AGBL4: variants seen among roughly 807,000 people sequenced by gnomAD.
The protein encoded by AGBL4 is cytosolic carboxypeptidase 6.
AGBL4 carries 58 observed loss-of-function variants against 66.4 expected under a neutral mutation model. That is an observed-to-expected ratio of 0.87 (90% CI 0.71 to 1.09). The LOEUF is 1.09. AGBL4 is among the 50% of genes least tolerant of loss of function. The pLI is 0.00. For synonymous variants in AGBL4, 234 were observed against 222.9 expected (o/e 1.05, Z -0.44); for missense variants, 579 against 631.0 (o/e 0.92, Z 0.88).
intron 3 of AGBL4, among the ~76,000 whole-genome samples, chr1:49,642,319 A>G (rs188226206): frequency 1.9e-3 from 294 of 152,108 alleles, no homozygotes; most frequent in South Asian, 3.3e-3. Context: ...TAATCCTAAG[A>G]GATTAGAAAC....
intron 2 of AGBL4, among the ~76,000 whole-genome samples, chr1:49,738,734 A>G (rs2124738817): frequency 6.6e-6 from 1 of 152,274 alleles, no homozygotes; most frequent in East Asian, 1.9e-4. Flanking sequence ...AGGCAGCAAC[A>G]TTTGCTGTTC....
intron 4 of AGBL4, among the ~76,000 whole-genome samples, chr1:49,181,663 T>A (rs184396627): frequency 1.8e-4 from 28 of 152,350 alleles, no homozygotes; most frequent in Non-Finnish European, 3.4e-4. Context: ...CAAGTGTGTC[T>A]CATCTCCCTG....
intron 3 of AGBL4, among the ~76,000 whole-genome samples, chr1:49,317,408 T>C (rs1025173626): frequency 1.3e-5 from 2 of 151,954 alleles, no homozygotes; most frequent in African/African-American, 4.8e-5. Flanking sequence ...ATTTAATACA[T>C]GCCTGCTCCA....
intron 3 of AGBL4, among the ~76,000 whole-genome samples, chr1:49,691,003 C>G (rs1347118250): frequency 2.0e-5 from 3 of 152,002 alleles, no homozygotes; most frequent in African/African-American, 7.3e-5. Context: ...GTATTCTTAA[C>G]TAGTACATTT....
intron 2 of AGBL4, among the ~76,000 whole-genome samples, chr1:49,736,494 A>C (rs1649901209): frequency 6.6e-6 from 1 of 152,154 alleles, no homozygotes. Flanking sequence ...TAACAAATGG[A>C]TCAATTGAAA....
At chr1:48,558,276 G>T (rs928335713) in intron 11 of AGBL4, among the ~76,000 whole-genome samples, 2 of 152,176 alleles carry the variant, frequency 1.3e-5, no homozygotes, top group Non-Finnish European at 2.9e-5. Context: ...TAACTTGACA[G>T]TGCATCAGTG....
At chr1:48,605,270 A>T (rs1440310501) in intron 9 of AGBL4, among the ~76,000 whole-genome samples, 1 of 152,206 alleles carries the variant, frequency 6.6e-6, no homozygotes, top group Non-Finnish European at 1.5e-5. Context: ...TATTTTCCAC[A>T]TGTGAATATC....
chr1:49,939,084 A>G (rs977816624), intron 1 of AGBL4, among the ~76,000 whole-genome samples: 4 of 152,132 alleles, frequency 2.6e-5, no homozygotes, highest in Non-Finnish European at 4.4e-5. Context: ...CCAAATCATG[A>G]GTGAACTCCC....
intron 6 of AGBL4, among the ~76,000 whole-genome samples, chr1:48,710,893 C>T (rs2148517697): frequency 6.6e-6 from 1 of 150,950 alleles, no homozygotes; most frequent in Non-Finnish European, 1.5e-5. Flanking sequence ...CACCAGCCTA[C>T]CTATGGAGCT....
intron 4 of AGBL4, among the ~76,000 whole-genome samples, chr1:49,148,208 T>A (rs547561226): frequency 2.0e-4 from 30 of 152,154 alleles, no homozygotes; most frequent in Non-Finnish European, 3.4e-4. Flanking sequence ...ATTAATAAAC[T>A]TTATTACACT....
rs750256217 is a variant in AGBL4, at chr1:48,872,662, AAAACAAAC to A, written c.595-5440_595-5433del. Among the ~76,000 whole-genome samples the A allele has an allele frequency of 2.5e-3, 374 of 152,208 alleles. 1 individual carries two copies. The highest frequency in any genetic ancestry group is 2.8e-3 in the Non-Finnish European group (191 of 67,996). ...GTTACAGAAAGCATTAAAAACAAAC[AAAACAAAC>A]AAACAAACAAACAAACAACCAAGAA... On this transcript the variant is annotated intron_variant, in intron 5 of 13. Transcript: ENST00000371839.
intron 3 of AGBL4, among the ~76,000 whole-genome samples, chr1:49,335,272 C>T (rs1042346850): frequency 9.9e-5 from 15 of 152,242 alleles, no homozygotes; most frequent in South Asian, 2.1e-4. Flanking sequence ...GTCATGTTGA[C>T]GCAACCATAA....
At chr1:49,237,981 C>T (rs780818466) in intron 4 of AGBL4, among the ~76,000 whole-genome samples, 4 of 151,806 alleles carry the variant, frequency 2.6e-5, no homozygotes, top group Admixed American at 6.6e-5. Flanking sequence ...TAAAAGGGTC[C>T]GGGTTGATGT....
chr1:48,806,814 C>T (rs1407114391), intron 6 of AGBL4, among the ~76,000 whole-genome samples: 1 of 152,150 alleles, frequency 6.6e-6, no homozygotes, highest in Non-Finnish European at 1.5e-5. Context: ...TTTCAGGAAA[C>T]AGCACCACTG....
chr1:48,522,881 G>C, the AGBL4 span, among the ~76,000 whole-genome samples: 1 of 151,016 alleles, frequency 6.6e-6, no homozygotes, highest in Non-Finnish European at 1.5e-5. Context: ...AGCCGAGATC[G>C]TGCCACTGCG....
chr1:49,508,543 A>C (rs2148777105), intron 3 of AGBL4, among the ~76,000 whole-genome samples: 1 of 152,002 alleles, frequency 6.6e-6, no homozygotes, highest in Non-Finnish European at 1.5e-5. Context: ...AAGAGAAATA[A>C]ATTTTATTGA....
chr1:49,608,472 G>A (rs1056564989), intron 3 of AGBL4, among the ~76,000 whole-genome samples: 4 of 152,156 alleles, frequency 2.6e-5, no homozygotes, highest in Admixed American at 6.5e-5. Flanking sequence ...ACTGGAGAAA[G>A]ACTGCCTTAT....
chr1:49,427,995 G>T (rs1020871141), intron 3 of AGBL4, among the ~76,000 whole-genome samples: 1 of 152,098 alleles, frequency 6.6e-6, no homozygotes, highest in Admixed American at 6.6e-5. Context: ...GTGCTGATTG[G>T]TGCGTTTTTA....
intron 4 of AGBL4, among the ~76,000 whole-genome samples, chr1:49,242,725 C>T (rs1651332510): frequency 1.3e-5 from 2 of 151,922 alleles, no homozygotes; most frequent in South Asian, 4.1e-4. Context: ...CTTAGGAAGT[C>T]TAATATGTAA....
Sources: gnomAD v4.1 joint callset for allele counts (sites outside exome capture counted in the v4.1 genomes callset) on GRCh38, gnomAD v4.1.1 for gene constraint, MANE v1.5 for transcripts, NCBI Gene and HGNC (gene_info 2026-07-23, HGNC 2026-07-21) for gene names.